The following TAF6 variants were observed in gnomAD, a reference collection of about 807,000 sequenced individuals.
The protein encoded by TAF6 is TATA-box binding protein associated factor 6.
In TAF6, 50 loss-of-function variants were observed where a neutral mutation model predicts 73.5. That is an observed-to-expected ratio of 0.68 (90% CI 0.54 to 0.86). The LOEUF is 0.86. Ranked by LOEUF, TAF6 falls within the 40% of genes least tolerant of loss-of-function variation. TAF6 has a pLI of 0.00. For synonymous variants in TAF6, 424 were observed against 376.7 expected (o/e 1.13, Z -1.45); for missense variants, 768 against 899.5 (o/e 0.85, Z 1.87).
At chr7:100,111,012 C>T (rs1797140286) in intron 10 of TAF6, 127 bp downstream of exon 10, 1 of 1,101,056 alleles carries the variant, frequency 9.1e-7, no homozygotes, top group Admixed American at 2.6e-5. Context: ...ACAGACAAGC[C>T]TCAAGACCCT....
chr7:100,118,883 G>A (rs754930704), intron 1 of TAF6: 1 of 985,178 alleles, frequency 1.0e-6, no homozygotes, highest in African/African-American at 1.7e-5. Flanking sequence ...GACATACTCT[G>A]TGCCTGGCGC....
Position 100,111,329 on chromosome 7 carries a change from A to G in TAF6, c.901-8T>C. 6.2e-7 allele frequency: 1 copy of G among 1,609,128 alleles called. No homozygotes were observed. Among genetic ancestry groups the G allele is most frequent in the Non-Finnish European group, 8.5e-7 (1 of 1,176,074 alleles). ...TGGAATCAGCTCATGGACCTAAGGG[A>G]GAAAGGGCGGGACAGCTGATTCTGG... On this transcript the variant is annotated splice_region_variant and splice_polypyrimidine_tract_variant and intron_variant, in intron 9 of 14. Coordinates refer to ENST00000453269, the MANE Select transcript of TAF6 (RefSeq NM_139315.3).
At chr7:100,122,996 C>A, upstream of TAF6, 1 of 1,412,334 alleles carries the variant, frequency 7.1e-7, no homozygotes, top group Non-Finnish European at 9.5e-7. Flanking sequence ...GGGATGTCTA[C>A]CCCTAAGCAT....
intron 11 of TAF6, 38 bp downstream of exon 11, chr7:100,110,162 G>C (rs747195663): frequency 6.2e-7 from 1 of 1,614,046 alleles, no homozygotes; most frequent in Non-Finnish European, 8.5e-7. Flanking sequence ...CCTCATGACT[G>C]TGTCCCCTCC....
intron 1 of TAF6, 93 bp from the exon 2 acceptor site, chr7:100,114,361 T>TC: frequency 8.0e-7 from 1 of 1,247,628 alleles, no homozygotes. Flanking sequence ...GGGGAGGAAC[T>TC]CCGAGTGTCT....
rs761617892 is a variant in TAF6, at chr7:100,108,033, C to T, written c.1549G>A (p.Val517Ile). 1 of 1,613,688 alleles carries T rather than the reference C, an allele frequency of 6.2e-7. No homozygotes were observed. Among genetic ancestry groups the T allele is most frequent in the Non-Finnish European group, 8.5e-7 (1 of 1,179,930 alleles). The change falls in exon 14 of 15, where the codon GTC (valine) becomes ATC (isoleucine). Residue 517 changes from valine (V) to isoleucine (I), a missense_variant. Val to Ile is a conservative substitution (Grantham distance 29). Transcript: ENST00000453269. ...GCTCGTGCAGACACCAGTGTCTGGA[C>T]AGGAAGTGCGATGGAGCCAGGAACC... The part of the protein sequence containing the change: ...LKVPGSIALP[V>I]QTLVSARAAA...
the TAF6 span, among the ~76,000 whole-genome samples, chr7:100,125,685 A>T: frequency 6.6e-6 from 1 of 152,144 alleles, no homozygotes; most frequent in Middle Eastern, 3.2e-3. Flanking sequence ...CTGGTGGTGC[A>T]GCGCCTGTAG....
upstream of TAF6, chr7:100,122,758 C>T (rs548206072): frequency 9.3e-6 from 15 of 1,604,294 alleles, no homozygotes; most frequent in South Asian, 1.6e-4. Context: ...GTGAGCTGGG[C>T]TGATGCCAAA....
Position 100,108,121 on chromosome 7 carries a change from G to T in TAF6, c.1461C>A (p.Pro487=). 6.3e-7 allele frequency: 1 copy of T among 1,595,482 alleles called. No homozygotes were observed. Among genetic ancestry groups the T allele is most frequent in the Admixed American group, 1.8e-5 (1 of 55,752 alleles). Residue 487 remains proline (P), a splice_region_variant and synonymous_variant, in exon 14 of 15, where the codon CCC becomes CCA. Coordinates refer to ENST00000453269, the MANE Select transcript of TAF6 (RefSeq NM_139315.3). ...VNRTTLTITQ[P]RPTLTLSQAP... ...CCTGCGAGAGGGTCAGCGTGGGCCG[G>T]GGCTGCGGGGAGAAGAGGAAAGGGG...
Position 100,113,860 on chromosome 7 carries a change from C to T in TAF6, c.243+8G>A, listed in dbSNP as rs1002469221. The T allele has an allele frequency of 1.9e-6, 3 of 1,613,530 alleles. No homozygotes were observed. The African/African-American group carries it at 4.0e-5, about 22-fold the overall frequency. On this transcript the variant is annotated splice_region_variant and intron_variant, in intron 3 of 14. Transcript: ENST00000453269. ...CTCACCCCCCCCCCGCCTGTCTCCCCAAATCACCTCGACATTCTTTAGCTT... is the reference window on the plus strand; with the variant it reads ...CTCACCCCCCCCCCGCCTGTCTCCCTAAATCACCTCGACATTCTTTAGCTT...
At position 100,107,572 on chromosome 7, in the gene TAF6, G is replaced by A; in HGVS notation, c.1708C>T (p.Pro570Ser). ...APGSGSTTTS[P>S]VTTTVPSVQP... is the part of the protein sequence containing the mutation. ...ACGCTGGGGACGGTGGTGGTGACGG[G>A]CGAAGTGGTGGTGGAACCTGAGCCG... The change falls in exon 15 of 15, where the codon CCC becomes TCC. Residue 570 changes from proline to serine, a missense_variant. By Grantham distance (74) the Pro-to-Ser change is moderately conservative. This residue lies in a region of TAF6 where 350 missense variants were observed against 352.3 expected (regional missense o/e 0.99). Coordinates refer to ENST00000453269, the MANE Select transcript of TAF6 (RefSeq NM_139315.3). The A allele has an allele frequency of 6.2e-7, 1 of 1,613,900 alleles. No homozygotes were observed. The highest frequency in any genetic ancestry group is 1.7e-4 in the Middle Eastern group (1 of 6,008).
At chr7:100,122,358 G>A (rs770858624), upstream of TAF6, 1 of 1,614,168 alleles carries the variant, frequency 6.2e-7, no homozygotes, top group East Asian at 2.2e-5. Context: ...ACAGGCAAGA[G>A]GAAGAGACAC....
At chr7:100,113,473 G>A (rs1797389415) in intron 4 of TAF6, 68 bp from the exon 5 acceptor site, 3 of 1,530,054 alleles carry the variant, frequency 2.0e-6, no homozygotes, top group Admixed American at 4.2e-5. Context: ...CCATGCTATG[G>A]AAGCGTGTTT....
intron 1 of TAF6, among the ~76,000 whole-genome samples, chr7:100,114,823 T>C (rs1797542344): frequency 6.6e-6 from 1 of 151,720 alleles, no homozygotes; most frequent in African/African-American, 2.4e-5. Context: ...ACGACCAGCC[T>C]GGACAACACA....
intron 10 of TAF6, 28 bp downstream of exon 10, chr7:100,111,111 A>G (rs749360545): frequency 1.2e-6 from 2 of 1,606,636 alleles, no homozygotes; most frequent in East Asian, 4.5e-5. Context: ...GTGATGAAGC[A>G]AATGACGCTC....
In TAF6 at chr7:100,112,817, G is replaced by C; in HGVS notation, c.555C>G (p.Ala185=). Residue 185 remains alanine (A), a synonymous_variant, in exon 6 of 15, where the codon GCC becomes GCG. Transcript: ENST00000453269. ...ACTGACCTTTGCCGTCGGCTGTGGT[G>C]GCCCCTTGACCTTTGCCCTTCAGGG... ...DGPLKGKGQG[A]TTADGKGKEK... 6.2e-7 allele frequency: 1 copy of C among 1,613,512 alleles called. No homozygotes were observed. Among genetic ancestry groups the C allele is most frequent in the Non-Finnish European group, 8.5e-7 (1 of 1,179,560 alleles).
chr7:100,111,444 C>G, intron 9 of TAF6, 123 bp from the exon 10 acceptor site: 1 of 1,237,666 alleles, frequency 8.1e-7, no homozygotes, highest in East Asian at 2.5e-5. Context: ...CATCAATCTC[C>G]CGGGCTCAAG....
rs1172278302 is a variant in TAF6, at chr7:100,112,093, T to C, written c.720+15A>G. 1 of 1,613,586 alleles carries C rather than the reference T, an allele frequency of 6.2e-7. No individual in the cohort carries two copies. Among genetic ancestry groups the C allele is most frequent in the Non-Finnish European group, 8.5e-7 (1 of 1,179,680 alleles). On this transcript the variant is annotated intron_variant, in intron 7 of 14. Coordinates refer to ENST00000453269, the MANE Select transcript of TAF6 (RefSeq NM_139315.3). ...GAGGCGTCTCAGGGCCAGGGCAAGC[T>C]GGTGGGGCCCTCACCGCCCTCTTGG...
chr7:100,108,092 G>A lies in TAF6; in HGVS notation c.1490C>T (p.Pro497Leu), dbSNP rs1184781564. Residue 497 changes from proline (P) to leucine (L), a missense_variant, in exon 14 of 15, where the codon CCA becomes CTA. Coordinates refer to ENST00000453269, the MANE Select transcript of TAF6 (RefSeq NM_139315.3). ...PRPTLTLSQA[P>L]QPGPRTPGLL... ...GCCAGGGGTGCGAGGGCCAGGCTGT[G>A]GGGCCTGCGAGAGGGTCAGCGTGGG... 1 of 1,609,134 alleles carries A rather than the reference G, an allele frequency of 6.2e-7. No individual in the cohort carries two copies. Among genetic ancestry groups the A allele is most frequent in the East Asian group, 2.2e-5 (1 of 44,756 alleles).
Sources: allele counts gnomAD v4.1 joint callset (sites outside exome capture counted in the v4.1 genomes callset), GRCh38; gene constraint gnomAD v4.1.1; regional missense constraint gnomAD v4.1.1; transcripts MANE v1.5; gene names NCBI Gene and HGNC (gene_info 2026-07-23, HGNC 2026-07-21).